Variants in FRMPD3 observed in about 807,000 individuals in gnomAD.
FRMPD3 encodes FERM and PDZ domain-containing protein 3.
Under a neutral mutation model 97.9 loss-of-function variants are expected in FRMPD3, and 42 were observed. The observed-to-expected ratio is 0.43, with a 90% confidence interval of 0.34 to 0.55. The LOEUF is 0.55. FRMPD3 is among the 20% of genes least tolerant of loss of function. FRMPD3 has a pLI of 0.03. For synonymous variants in FRMPD3, 577 were observed against 581.1 expected, an observed-to-expected ratio of 0.99 and a Z score of 0.10; for missense variants, 1,303 against 1,457.7, an observed-to-expected ratio of 0.89 and a Z score of 1.73.
rs756954303 is a variant in FRMPD3, at chrX:107,533,485, A to G, written c.252-20A>G. Reference sequence around the variant, plus strand: ...CTAGTGCATGATACACTACTCTCCTATTCCCTCTTTTCTCTGTAGGAGCGC... The same window carrying G: ...CTAGTGCATGATACACTACTCTCCTGTTCCCTCTTTTCTCTGTAGGAGCGC... On this transcript the variant is annotated intron_variant, in intron 3 of 14. Coordinates refer to ENST00000683843, the MANE Select transcript of FRMPD3 (RefSeq NM_001388459.1). The G allele has an allele frequency of 9.2e-5, 109 of 1,189,925 alleles. No individual in the cohort carries two copies. Among genetic ancestry groups the G allele is most frequent in the Non-Finnish European group, 1.1e-4 (94 of 878,836 alleles).
Position 107,602,091 on chromosome X carries a change from G to T in FRMPD3, c.4052G>T (p.Arg1351Leu). 8.3e-7 allele frequency: 1 copy of T among 1,206,978 alleles called. No individual in the cohort carries two copies. Among genetic ancestry groups the T allele is most frequent in the Non-Finnish European group, 1.1e-6 (1 of 893,562 alleles). The change falls in exon 15 of 15, where the codon CGC (arginine) becomes CTC (leucine). Residue 1351 changes from arginine (R) to leucine (L), a missense_variant. Physicochemically the swap from Arg to Leu is moderately radical, Grantham distance 102 (BLOSUM62 -2). Coordinates refer to ENST00000683843, the MANE Select transcript of FRMPD3 (RefSeq NM_001388459.1). ...CTCAGCAGCCCCATCAATGTCCAGC[G>T]CATTCGTTCTACCAGCCTGGAGTCC... ...VSLSSPINVQ[R>L]IRSTSLESRE...
At chrX:107,460,757 C>T (rs1290526987) in intron 1 of FRMPD3, among the ~76,000 whole-genome samples, 7 of 111,156 alleles carry the variant, frequency 6.3e-5, no homozygotes, top group South Asian at 3.9e-4. Context: ...ATCTGGATCT[C>T]GCTTTTGTGG....
chrX:107,597,224 T>C lies in FRMPD3; in HGVS notation c.1442-97T>C, dbSNP rs181125618. On this transcript the variant is annotated intron_variant, in intron 13 of 14. Coordinates refer to ENST00000683843, the MANE Select transcript of FRMPD3 (RefSeq NM_001388459.1). Reference sequence around the variant, plus strand: ...ATGCTTTGTCTTGGGACCTGCCACTTGATTGTGCTACAGAGACATGGGCCA... The same window carrying C: ...ATGCTTTGTCTTGGGACCTGCCACTCGATTGTGCTACAGAGACATGGGCCA... 549 of 769,889 alleles carry C rather than the reference T, an allele frequency of 7.1e-4. 3 individuals are homozygous for C. In the African/African-American group the frequency reaches 0.01, roughly 14 times the overall value. 63.4% of individuals were successfully genotyped at this position (769,889 alleles called of 1,213,427 possible).
intron 1 of FRMPD3, among the ~76,000 whole-genome samples, chrX:107,465,196 G>T (rs909489415): frequency 1.1e-4 from 12 of 111,651 alleles, no homozygotes; most frequent in Non-Finnish European, 1.7e-4. Flanking sequence ...TCTAGGCTGG[G>T]TGCGGTGGCT....
chrX:107,531,111 TACAC>T (rs35430860), intron 3 of FRMPD3, among the ~76,000 whole-genome samples: 1,973 of 93,487 alleles, frequency 0.021, 34 homozygotes, highest in African/African-American at 0.057. Context: ...CTGTGCACAT[TACAC>T]ACACACACAC....
At chrX:107,599,131 G>A (rs1454795927) in intron 14 of FRMPD3, among the ~76,000 whole-genome samples, 1 of 110,312 alleles carries the variant, frequency 9.1e-6, no homozygotes, top group Non-Finnish European at 1.9e-5. Flanking sequence ...AAATTAACTG[G>A]GTGGGCTGGT....
Position 107,603,989 on chromosome X carries a change from C to T in FRMPD3, c.*616C>T, listed in dbSNP as rs934125294. 1 of 111,133 alleles carries T rather than the reference C, an allele frequency of 9.0e-6. No homozygotes were observed. Among genetic ancestry groups the T allele is most frequent in the African/African-American group, 3.3e-5 (1 of 30,454 alleles). 9.2% of individuals were successfully genotyped at this position (111,133 alleles called of 1,213,427 possible). A position where few individuals can be genotyped will look rare whatever the true frequency, so the allele number is the denominator to read the frequency against. ...TGGCCGGCAGCCTGGTGAGCCCTCA[C>T]CTCCAGGTCCAGTAGCTCCACACCA... On this transcript the variant is annotated 3_prime_UTR_variant, in exon 15 of 15. Coordinates refer to ENST00000683843, the MANE Select transcript of FRMPD3 (RefSeq NM_001388459.1).
intron 1 of FRMPD3, among the ~76,000 whole-genome samples, chrX:107,456,188 C>T (rs927007951): frequency 2.7e-5 from 3 of 109,886 alleles, no homozygotes; most frequent in African/African-American, 1.0e-4. Context: ...CTTAGCCTCT[C>T]GAGTTGCTAG....
chrX:107,601,596 C>G lies in FRMPD3; in HGVS notation c.3557C>G (p.Pro1186Arg). The G allele has an allele frequency of 1.7e-6, 2 of 1,208,855 alleles. No individual in the cohort carries two copies. The highest frequency in any genetic ancestry group is 1.1e-6 in the Non-Finnish European group (1 of 894,498). The change falls in exon 15 of 15, where the codon CCC (proline) becomes CGC (arginine). Residue 1186 changes from proline to arginine, a missense_variant. This residue lies in a region of FRMPD3 where 764 missense variants were observed against 820.2 expected (regional missense o/e 0.93). Coordinates refer to ENST00000683843, the MANE Select transcript of FRMPD3 (RefSeq NM_001388459.1). ...GCCAGCCGGCAGGTGAGCACCATGC[C>G]CTCTAGGAAGCTTGAAACAACTCTC... is the stretch of plus-strand genomic sequence containing the variant. The part of the protein sequence containing the change: ...QAASRQVSTM[P>R]SRKLETTLNG...
At chrX:107,518,448 G>A (rs768604164) in intron 1 of FRMPD3, among the ~76,000 whole-genome samples, 60 of 111,554 alleles carry the variant, frequency 5.4e-4, no homozygotes, top group African/African-American at 1.8e-3. Context: ...TGAGTGAAGC[G>A]GAAGAAGCAA....
chrX:107,454,560 C>T (rs1931345166), intron 1 of FRMPD3, among the ~76,000 whole-genome samples: 1 of 111,603 alleles, frequency 9.0e-6, no homozygotes, highest in African/African-American at 3.3e-5. Flanking sequence ...CCAGTCCACC[C>T]TGACTCCTGC....
chrX:107,583,638 G>T lies in FRMPD3; in HGVS notation c.1441+7179G>T, dbSNP rs1400435840. ...ATTGCTGAGTCAAATGGTATTTCTG[G>T]TTCCAGATCCTTGAGGAATCATCGT... On this transcript the variant is annotated intron_variant, in intron 13 of 14. Transcript: ENST00000683843. Among the ~76,000 whole-genome samples the T allele has an allele frequency of 4.5e-5, 5 of 111,270 alleles. No individual in the cohort carries two copies. The East Asian group carries it at 1.4e-3, about 31-fold the overall frequency.
chrX:107,458,962 C>T (rs1450421165), intron 1 of FRMPD3, among the ~76,000 whole-genome samples: 2 of 112,114 alleles, frequency 1.8e-5, no homozygotes, highest in African/African-American at 6.5e-5. Flanking sequence ...TTGTCTCACT[C>T]GCTCCTTCCT....
rs1412001897 is a variant in FRMPD3, at chrX:107,597,442, C to T, written c.1563C>T (p.Ala521=). The T allele has an allele frequency of 2.3e-5, 28 of 1,209,157 alleles. No individual in the cohort carries two copies. The highest frequency in any genetic ancestry group is 2.3e-4 in the Middle Eastern group (1 of 4,368). The change falls in exon 14 of 15, where the codon GCC becomes GCT. Residue 521 remains alanine (A), a synonymous_variant. Transcript: ENST00000683843. The part of the protein sequence containing the change: ...RKSSRCTPPP[A]DSELVSFCYL... ...CGAGCCGCTGCACGCCCCCACCTGC[C>T]GACTCTGAGCTTGTCAGCTTCTGCT...
chrX:107,522,790 G>T (rs1256692337), intron 1 of FRMPD3, among the ~76,000 whole-genome samples: 1 of 111,988 alleles, frequency 8.9e-6, no homozygotes. Flanking sequence ...ACTAAATAGA[G>T]AGGGCAAGCC....
intron 1 of FRMPD3, among the ~76,000 whole-genome samples, chrX:107,460,694 C>T (rs1931455309): frequency 9.0e-6 from 1 of 111,183 alleles, no homozygotes; most frequent in Admixed American, 9.6e-5. Flanking sequence ...GTCCAGCCCC[C>T]AGAGGATGTT....
chrX:107,465,573 A>G (rs1218994329), intron 1 of FRMPD3, among the ~76,000 whole-genome samples: 2 of 111,980 alleles, frequency 1.8e-5, no homozygotes, highest in Non-Finnish European at 3.8e-5. Flanking sequence ...AAAGTATTAA[A>G]GACATTTGGG....
At chrX:107,502,729 G>A (rs187539198) in intron 1 of FRMPD3, among the ~76,000 whole-genome samples, 1 of 112,742 alleles carries the variant, frequency 8.9e-6, no homozygotes, top group Non-Finnish European at 1.9e-5. Flanking sequence ...AAATGGCCTG[G>A]GAATGGAGAG....
At chrX:107,480,922 AAGAAAGAAAG>A (rs1162889090) in intron 1 of FRMPD3, among the ~76,000 whole-genome samples, 1 of 107,511 alleles carries the variant, frequency 9.3e-6, no homozygotes, top group Non-Finnish European at 1.9e-5. Flanking sequence ...GAAAGAAAGA[AAGAAAGAAAG>A]AAAGAAAGAA....
Sources: allele counts gnomAD v4.1 joint callset (sites outside exome capture counted in the v4.1 genomes callset), GRCh38; gene constraint gnomAD v4.1.1; regional missense constraint gnomAD v4.1.1; transcripts MANE v1.5; gene names NCBI Gene and HGNC (gene_info 2026-07-23, HGNC 2026-07-21).